ZNF74: variants seen among roughly 807,000 people sequenced by gnomAD.
The protein encoded by ZNF74 is zinc finger protein 74.
Under a neutral mutation model 17.7 loss-of-function variants are expected in ZNF74, and 12 were observed. The ratio of observed to expected loss-of-function variants is 0.68; its 90% CI spans 0.43 to 1.10. The LOEUF (loss-of-function observed/expected upper bound fraction) is 1.10. Among genes scored for constraint, ZNF74 ranks in the 50% least tolerant of loss-of-function variants. ZNF74 has a pLI of 0.00. For missense variants in ZNF74, 811 were observed against 881.0 expected, an observed-to-expected ratio of 0.92 and a Z score of 1.01; for synonymous variants, 358 against 362.1, an observed-to-expected ratio of 0.99 and a Z score of 0.13.
In ZNF74 at chr22:20,405,784, G is replaced by A. The variant is rs200346419; in HGVS notation, c.751G>A (p.Gly251Ser). Residue 251 changes from glycine to serine, a missense_variant, in exon 5 of 5, where the codon GGC becomes AGC. Coordinates refer to ENST00000400451, the MANE Select transcript of ZNF74 (RefSeq NM_003426.4). ...CGCCGGGGAGGGCGAGTTCGTGTGC[G>A]GCGAGTGCGGGAAGGCGTTCCGCCA... Reference protein sequence around the residue: ...AGAGEGEFVCGECGKAFRQSS... With the variant: ...AGAGEGEFVCSECGKAFRQSS... 5.0e-5 allele frequency: 80 copies of A among 1,610,690 alleles called. No individual in the cohort carries two copies. The South Asian group carries it at 5.7e-4, about 12-fold the overall frequency.
chr22:20,405,097 G>C (rs909202125), intron 4 of ZNF74, among the ~76,000 whole-genome samples: 1 of 152,180 alleles, frequency 6.6e-6, no homozygotes. Flanking sequence ...CCCCCTTGGT[G>C]CTTGTAGCTG....
At chr22:20,399,709 C>T (rs939627328) in intron 2 of ZNF74, 2 of 272,536 alleles carry the variant, frequency 7.3e-6, no homozygotes, top group East Asian at 2.9e-4. Flanking sequence ...CCACCTTGGC[C>T]TCCCAAGTGC....
At chr22:20,402,801 CAAAAAAAA>C (rs361884) in intron 4 of ZNF74, among the ~76,000 whole-genome samples, 2 of 107,528 alleles carry the variant, frequency 1.9e-5, no homozygotes, top group African/African-American at 3.6e-5. Flanking sequence ...AATTCCATCT[CAAAAAAAA>C]AAAAAAAAAA....
At chr22:20,395,826 G>A (rs994998111) in intron 2 of ZNF74, among the ~76,000 whole-genome samples, 23 of 152,196 alleles carry the variant, frequency 1.5e-4, no homozygotes, top group African/African-American at 4.8e-4. Context: ...ACAGGGGCAC[G>A]TGGAGCAGCT....
rs760379778 is a variant in ZNF74 at position 20,405,758 on chromosome 22, G to A, written c.725G>A (p.Gly242Asp). ...CAGGTGCGCCGGCAGCGCGGGGCGG[G>A]CGCCGGGGAGGGCGAGTTCGTGTGC... ...FPQVRRQRGA[G>D]AGEGEFVCGE... Residue 242 changes from glycine (G) to aspartate (D), a missense_variant, in exon 5 of 5, where the codon GGC (glycine) becomes GAC (aspartate). Physicochemically the swap from Gly to Asp is moderately conservative, Grantham distance 94. This residue lies in a region of ZNF74 where 666 missense variants were observed against 702.3 expected (regional missense o/e 0.95). Transcript: ENST00000400451. 3.1e-6 allele frequency: 5 copies of A among 1,606,022 alleles called. No individual in the cohort carries two copies. The South Asian group carries it at 5.5e-5, about 18-fold the overall frequency.
Position 20,395,323 on chromosome 22 carries a change from C to T in ZNF74, c.35-10C>T, listed in dbSNP as rs778255126. The T allele has an allele frequency of 1.3e-6, 2 of 1,590,916 alleles. No individual in the cohort carries two copies. Among genetic ancestry groups the T allele is most frequent in the Admixed American group, 1.7e-5 (1 of 59,370 alleles). ...GTAGCCGTGACCTTGACTCATTTCT[C>T]CTTCGCCAGCTCTTTCCTCTCAGGA... is the stretch of plus-strand genomic sequence containing the variant. On this transcript the variant is annotated splice_polypyrimidine_tract_variant and intron_variant, in intron 1 of 4. Coordinates refer to ENST00000400451, the MANE Select transcript of ZNF74 (RefSeq NM_003426.4).
intron 2 of ZNF74, among the ~76,000 whole-genome samples, chr22:20,396,097 G>C (rs2146088995): frequency 6.6e-6 from 1 of 152,034 alleles, no homozygotes; most frequent in East Asian, 1.9e-4. Context: ...GTTGTATTTA[G>C]AAGGGTGCAG....
Position 20,401,364 on chromosome 22 carries a change from C to A in ZNF74, c.335C>A (p.Pro112His). 6.2e-7 allele frequency: 1 copy of A among 1,604,310 alleles called. No individual in the cohort carries two copies. Among genetic ancestry groups the A allele is most frequent in the Non-Finnish European group, 8.5e-7 (1 of 1,174,878 alleles). The stretch of plus-strand genomic sequence containing the variant: ...ATGCAGAGGGAAGTCCCCAGAGGGC[C>A]CTGTCCAGGTGAGCAGAGGCACAGG... ...WSMQREVPRG[P>H]CPEWELKAVP... Residue 112 changes from proline (P) to histidine (H), a missense_variant, in exon 4 of 5, where the codon CCC becomes CAC. Pro to His is a moderately conservative substitution (Grantham distance 77). Transcript: ENST00000400451. The surrounding 1 kb of genome is among the most constrained non-coding windows in gnomAD (Gnocchi z 4.2).
In ZNF74 at chr22:20,400,768, C is replaced by T. The variant is rs2052348450; in HGVS notation, c.247+10C>T. The T allele has an allele frequency of 6.2e-7, 1 of 1,613,540 alleles. No homozygotes were observed. The highest frequency in any genetic ancestry group is 1.3e-5 in the African/African-American group (1 of 74,902). On this transcript the variant is annotated intron_variant, in intron 3 of 4. Coordinates refer to ENST00000400451, the MANE Select transcript of ZNF74 (RefSeq NM_003426.4). ...AACCTTCTTGCCCTAGGTAAAATCC[C>T]CCCAGCCCCAGGCTGGGCGTCGGCT...
At chr22:20,404,051 G>A (rs182583193) in intron 4 of ZNF74, among the ~76,000 whole-genome samples, 2 of 152,216 alleles carry the variant, frequency 1.3e-5, no homozygotes, top group East Asian at 1.9e-4. Flanking sequence ...CATGTGTTGG[G>A]GCCACAGGCA....
intron 1 of ZNF74, chr22:20,395,042 C>A: frequency 2.3e-6 from 1 of 438,238 alleles, no homozygotes; most frequent in Non-Finnish European, 4.1e-6. Context: ...CGTGAGCCAT[C>A]GCTCCTGGCC....
intron 1 of ZNF74, chr22:20,394,996 G>A (rs927551763): frequency 7.0e-6 from 3 of 425,618 alleles, no homozygotes; most frequent in East Asian, 4.3e-5. Context: ...CAAGCGATCC[G>A]CCCGCCTCGG....
chr22:20,399,717 T>A (rs1420236983), intron 2 of ZNF74: 2 of 268,140 alleles, frequency 7.5e-6, no homozygotes, highest in African/African-American at 2.3e-5. Flanking sequence ...GCCTCCCAAG[T>A]GCTGGGATTA....
rs2052420813 is a variant in ZNF74 at position 20,406,115 on chromosome 22, GGTGCGGCGA to G, written c.1090_1098del (p.Glu364_Gly366del). 1.3e-6 allele frequency: 2 copies of G among 1,595,430 alleles called. No homozygotes were observed. Reference sequence around the variant, plus strand: ...GTGCACACCGGCGAGAAGCCCTACCGGTGCGGCGAGTGCGGCAAGGCCTTCAACCAGCGT... The same window carrying G: ...GTGCACACCGGCGAGAAGCCCTACCGGTGCGGCAAGGCCTTCAACCAGCGT... On this transcript the variant is annotated inframe_deletion, in exon 5 of 5. Coordinates refer to ENST00000400451, the MANE Select transcript of ZNF74 (RefSeq NM_003426.4).
chr22:20,403,130 C>G (rs1024762375), intron 4 of ZNF74, among the ~76,000 whole-genome samples: 3 of 151,550 alleles, frequency 2.0e-5, no homozygotes, highest in Non-Finnish European at 4.4e-5. Context: ...TGTTGTTGGC[C>G]CTATTGCTGC....
intron 4 of ZNF74, among the ~76,000 whole-genome samples, chr22:20,404,539 G>T (rs1030996480): frequency 4.6e-5 from 7 of 152,030 alleles, no homozygotes; most frequent in Non-Finnish European, 1.0e-4. Flanking sequence ...ACCCAGGCTG[G>T]TCTTGATCTG....
At chr22:20,395,859 C>G (rs1254453318) in intron 2 of ZNF74, among the ~76,000 whole-genome samples, 2 of 152,290 alleles carry the variant, frequency 1.3e-5, no homozygotes, top group Non-Finnish European at 2.9e-5. Flanking sequence ...GATTGCAGCA[C>G]TTGGTTAAGA....
chr22:20,395,108 T>C (rs1300935989), intron 1 of ZNF74: 8 of 473,948 alleles, frequency 1.7e-5, no homozygotes, highest in East Asian at 7.0e-5. Context: ...ACGTGCTTGA[T>C]TGGGGGTAGC....
Position 20,394,334 on chromosome 22 carries a change from G to T in ZNF74, c.-295G>T. ...GGCCTGGCCCTGGTCTCCGAGCGCG[G>T]GTTCGCCGGGAGGAGCGTGTGGCGG... On this transcript the variant is annotated 5_prime_UTR_variant, in exon 1 of 5. Transcript: ENST00000400451. 1 of 696,256 alleles carries T rather than the reference G, an allele frequency of 1.4e-6. No homozygotes were observed. Among genetic ancestry groups the T allele is most frequent in the South Asian group, 1.5e-5 (1 of 66,524 alleles). 43.1% of individuals were successfully genotyped at this position (696,256 alleles called of 1,614,324 possible). A position where few individuals can be genotyped will look rare whatever the true frequency, so the allele number is the denominator to read the frequency against.
Sources: allele counts gnomAD v4.1 joint callset (sites outside exome capture counted in the v4.1 genomes callset), GRCh38; gene constraint gnomAD v4.1.1; regional missense constraint gnomAD v4.1.1; non-coding constraint Gnocchi (gnomAD v3.1); transcripts MANE v1.5; gene names NCBI Gene and HGNC (gene_info 2026-07-23, HGNC 2026-07-21).